LAMA3: variants seen among roughly 807,000 people sequenced by gnomAD.
LAMA3 encodes the protein laminin subunit alpha-3.
A neutral mutation model predicts 402.0 loss-of-function variants in LAMA3; 281 were observed. The observed-to-expected ratio is 0.70, with a 90% confidence interval of 0.63 to 0.77. LAMA3 has a LOEUF of 0.77. LAMA3 is among the 30% of genes least tolerant of loss of function. The pLI is 0.00. For synonymous variants in LAMA3, 1,431 were observed against 1,558.4 expected, an observed-to-expected ratio of 0.92 and a Z score of 1.93; for missense variants, 3,840 against 4,215.5, an observed-to-expected ratio of 0.91 and a Z score of 2.47.
intron 2 of LAMA3, among the ~76,000 whole-genome samples, chr18:23,738,766 C>T (rs1193848952): frequency 6.6e-6 from 1 of 152,198 alleles, no homozygotes; most frequent in Admixed American, 6.5e-5. Context: ...GCCATCACAG[C>T]CACTTCCAGA....
In LAMA3 at chr18:23,949,767, C is replaced by G; in HGVS notation, c.9354C>G (p.Ser3118Arg). The G allele has an allele frequency of 6.2e-7, 1 of 1,613,912 alleles. No individual in the cohort carries two copies. Among genetic ancestry groups the G allele is most frequent in the Non-Finnish European group, 8.5e-7 (1 of 1,179,974 alleles). Residue 3118 changes from serine to arginine, a missense_variant and splice_region_variant, in exon 71 of 75, where the codon AGC (serine) becomes AGG (arginine). Physicochemically the swap from Ser to Arg is moderately radical, Grantham distance 110. Around this residue, in one of 3 missense-constraint regions of LAMA3, gnomAD observed 840 missense variants for 981.9 expected, o/e 0.86. Transcript: ENST00000313654. ...LGSPPSGKPK[S>R]LPTNSFVGCL... is the part of the protein sequence containing the mutation. ...TTTTCTTTTCTGCTTGGTTGCAGAG[C>G]CTCCCCACAAACAGCTTTGTGGGAT...
At chr18:23,829,830 G>A (rs2063459536) in intron 23 of LAMA3, among the ~76,000 whole-genome samples, 1 of 152,062 alleles carries the variant, frequency 6.6e-6, no homozygotes, top group African/African-American at 2.4e-5. Context: ...ATGTCCATAT[G>A]TACCCATTGC....
intron 19 of LAMA3, among the ~76,000 whole-genome samples, chr18:23,820,360 C>T (rs888543936): frequency 6.6e-6 from 1 of 152,086 alleles, no homozygotes; most frequent in African/African-American, 2.4e-5. Flanking sequence ...TTCTTTAAAG[C>T]CATTTGTGGA....
intron 12 of LAMA3, among the ~76,000 whole-genome samples, chr18:23,784,680 G>A (rs1025169805): frequency 2.3e-4 from 35 of 152,290 alleles, no homozygotes; most frequent in Non-Finnish European, 4.3e-4. Context: ...GTCGCTGAAG[G>A]GGGGATGGAA....
At chr18:23,731,295 T>G (rs2061391191) in intron 2 of LAMA3, among the ~76,000 whole-genome samples, 1 of 152,220 alleles carries the variant, frequency 6.6e-6, no homozygotes, top group African/African-American at 2.4e-5. Flanking sequence ...CAGGGATTCA[T>G]CCTAAGCATC....
chr18:23,691,887 C>G (rs2060595036), intron 1 of LAMA3, among the ~76,000 whole-genome samples: 1 of 152,066 alleles, frequency 6.6e-6, no homozygotes, highest in African/African-American at 2.4e-5. Context: ...TTATGTTATA[C>G]TTGATTTTAG....
Position 23,909,146 on chromosome 18 carries a change from C to A in LAMA3, c.7016-7C>A. ...TCTTACATTTCTATTTTTTTTCTCA[C>A]CAACAGTGAATAAGTTAACCAACAA... On this transcript the variant is annotated splice_polypyrimidine_tract_variant and splice_region_variant and intron_variant, in intron 54 of 74. Transcript: ENST00000313654. 2 of 1,613,082 alleles carry A rather than the reference C, an allele frequency of 1.2e-6. No individual in the cohort carries two copies. The highest frequency in any genetic ancestry group is 1.7e-6 in the Non-Finnish European group (2 of 1,179,248).
At chr18:23,922,208 C>T (rs751883683) in intron 62 of LAMA3, among the ~76,000 whole-genome samples, 9 of 152,158 alleles carry the variant, frequency 5.9e-5, no homozygotes, top group Admixed American at 1.3e-4. Context: ...TGTATCCTCC[C>T]GGAAGGCTTT....
Position 23,915,289 on chromosome 18 carries a change from C to T in LAMA3, c.7645C>T (p.Leu2549Phe). ...YVGGYPPDFK[L>F]PSRLSFPPYK... ...GGAAGATGTTTTATTTCATTTTCAG[C>T]TTCCCAGTCGACTAAGTTTCCCTCC... Residue 2549 changes from leucine to phenylalanine, a missense_variant and splice_region_variant, in exon 59 of 75, where the codon CTT (leucine) becomes TTT (phenylalanine). Transcript: ENST00000313654. 6 of 1,613,326 alleles carry T rather than the reference C, an allele frequency of 3.7e-6. No individual in the cohort carries two copies. The highest frequency in any genetic ancestry group is 5.1e-6 in the Non-Finnish European group (6 of 1,179,644).
chr18:23,847,737 T>C, intron 32 of LAMA3, 69 bp downstream of exon 32: 1 of 1,474,670 alleles, frequency 6.8e-7, no homozygotes, highest in South Asian at 1.2e-5. Flanking sequence ...CACACACTGG[T>C]CATCGTCACT....
At chr18:23,775,344 A>G (rs946653774) in intron 9 of LAMA3, among the ~76,000 whole-genome samples, 4 of 152,170 alleles carry the variant, frequency 2.6e-5, no homozygotes, top group African/African-American at 9.7e-5. Context: ...CACAGACTCT[A>G]TCTCCATGTC....
At position 23,855,485 on chromosome 18, in the gene LAMA3, G is replaced by T. The variant is rs2064054265; in HGVS notation, c.4137-2359G>T. The stretch of plus-strand genomic sequence containing the variant: ...ACACTCGCTGTCTCTCCAGAAATAA[G>T]GAATCAGCTGAGAACAGGCTTTACA... On this transcript the variant is annotated intron_variant, in intron 32 of 74. Transcript: ENST00000313654. Among the ~76,000 whole-genome samples, 3 of 152,178 alleles carry T rather than the reference G, an allele frequency of 2.0e-5. No homozygotes were observed. The South Asian group carries it at 6.2e-4, about 31-fold the overall frequency.
At chr18:23,730,340 C>T (rs1390359382) in intron 2 of LAMA3, among the ~76,000 whole-genome samples, 1 of 151,304 alleles carries the variant, frequency 6.6e-6, no homozygotes, top group Non-Finnish European at 1.5e-5. Flanking sequence ...CCCTCAATCT[C>T]CTCCCCAGTC....
At position 23,864,775 on chromosome 18, in the gene LAMA3, T is replaced by C. The variant is rs751135232; in HGVS notation, c.4585-10T>C. On this transcript the variant is annotated splice_polypyrimidine_tract_variant and intron_variant, in intron 35 of 74. Transcript: ENST00000313654. ...TGCTTGTGCTATTGATGCTATTAAT[T>C]CCATTTTAGGTTTCTTCATATGGTG... The C allele has an allele frequency of 3.8e-6, 6 of 1,562,826 alleles. No homozygotes were observed. Among genetic ancestry groups the C allele is most frequent in the African/African-American group, 2.7e-5 (2 of 73,840 alleles).
At chr18:23,721,217 A>G (rs1408255204) in intron 2 of LAMA3, among the ~76,000 whole-genome samples, 1 of 151,988 alleles carries the variant, frequency 6.6e-6, no homozygotes, top group Admixed American at 6.6e-5. Context: ...CACACATTCA[A>G]TTGGTTCTGT....
chr18:23,808,994 C>A (rs1463599269), intron 12 of LAMA3, among the ~76,000 whole-genome samples: 1 of 152,160 alleles, frequency 6.6e-6, no homozygotes, highest in African/African-American at 2.4e-5. Context: ...GTACACTACA[C>A]TGGATAAAAA....
intron 35 of LAMA3, 43 bp downstream of exon 35, chr18:23,861,850 T>A: frequency 6.4e-7 from 1 of 1,557,240 alleles, no homozygotes; most frequent in Non-Finnish European, 8.8e-7. Context: ...AGTGGGCCTC[T>A]GCTATTGCTG....
rs574944211 is a variant in LAMA3, at chr18:23,827,283, A to G, written c.2670-31A>G. 1.5e-4 allele frequency: 241 copies of G among 1,612,714 alleles called. 4 individuals carry two copies. In the South Asian group the frequency reaches 2.5e-3, roughly 17 times the overall value. On this transcript the variant is annotated intron_variant, in intron 22 of 74. Coordinates refer to ENST00000313654, the MANE Select transcript of LAMA3 (RefSeq NM_198129.4). The stretch of plus-strand genomic sequence containing the variant: ...CCGTTTGATGTTCTCAGTTGTAACT[A>G]TTGATTCCATTGTTGTTGCTGTTGT...
In LAMA3 at chr18:23,903,136, T is replaced by C. The variant is rs532049833; in HGVS notation, c.6318+11T>C. On this transcript the variant is annotated intron_variant, in intron 49 of 74. Transcript: ENST00000313654. ...GAGAAAAGCCAGAAGGTAGAGGAAATAGTTGTTCTCTAGAAAAATCTAAAA... is the reference window on the plus strand; with the variant it reads ...GAGAAAAGCCAGAAGGTAGAGGAAACAGTTGTTCTCTAGAAAAATCTAAAA... The C allele has an allele frequency of 1.8e-5, 27 of 1,496,996 alleles. 1 individual carries two copies. The South Asian group carries it at 2.8e-4, about 16-fold the overall frequency. 92.7% of individuals were successfully genotyped at this position (1,496,996 alleles called of 1,614,324 possible). A position where few individuals can be genotyped will look rare whatever the true frequency, so the allele number is the denominator to read the frequency against.
Sources: allele counts gnomAD v4.1 joint callset (sites outside exome capture counted in the v4.1 genomes callset), GRCh38; gene constraint gnomAD v4.1.1; regional missense constraint gnomAD v4.1.1; transcripts MANE v1.5; gene names NCBI Gene and HGNC (gene_info 2026-07-23, HGNC 2026-07-21).